The following RNF150 variants were observed in gnomAD, a reference collection of about 807,000 sequenced individuals.
RNF150 encodes the protein ring finger protein 150.
Under a neutral mutation model 39.3 loss-of-function variants are expected in RNF150, and 24 were observed. That is an observed-to-expected ratio of 0.61 (90% CI 0.44 to 0.86). The LOEUF (loss-of-function observed/expected upper bound fraction) is 0.86. Among genes scored for constraint, RNF150 ranks in the 40% least tolerant of loss-of-function variants. The pLI is 0.00. For missense variants in RNF150, 502 were observed against 587.8 expected, an observed-to-expected ratio of 0.85 and a Z score of 1.51; for synonymous variants, 255 against 227.3, an observed-to-expected ratio of 1.12 and a Z score of -1.10.
At chr4:141,141,121 A>G (rs1727111440) in intron 1 of RNF150, among the ~76,000 whole-genome samples, 1 of 152,230 alleles carries the variant, frequency 6.6e-6, no homozygotes, top group African/African-American at 2.4e-5. Flanking sequence ...TAGTAAGGAC[A>G]CTGGAAAGGA....
chr4:141,009,595 G>A (rs542656592), intron 1 of RNF150, among the ~76,000 whole-genome samples: 2 of 152,266 alleles, frequency 1.3e-5, no homozygotes, highest in Non-Finnish European at 2.9e-5. Context: ...AATTAGTAAG[G>A]ACTCAAGAAA....
chr4:141,203,326 G>GAT (rs1234749988), intron 1 of RNF150, among the ~76,000 whole-genome samples: 3 of 146,636 alleles, frequency 2.0e-5, no homozygotes, highest in Non-Finnish European at 3.0e-5. Context: ...TCTTGGAGAT[G>GAT]ATATATATAT....
At chr4:140,909,059 C>T (rs889823509) in intron 6 of RNF150, among the ~76,000 whole-genome samples, 11 of 152,040 alleles carry the variant, frequency 7.2e-5, no homozygotes, top group Admixed American at 2.6e-4. Flanking sequence ...CACTTATGGT[C>T]GTATGTGTGA....
intron 5 of RNF150, among the ~76,000 whole-genome samples, chr4:140,923,843 C>A (rs930584554): frequency 1.3e-5 from 2 of 152,088 alleles, no homozygotes; most frequent in African/African-American, 4.8e-5. Flanking sequence ...AAGCTAGAAA[C>A]CATCATTCTC....
At chr4:140,987,088 G>A (rs1366082904) in intron 1 of RNF150, among the ~76,000 whole-genome samples, 1 of 151,866 alleles carries the variant, frequency 6.6e-6, no homozygotes, top group Non-Finnish European at 1.5e-5. Flanking sequence ...TCTACAAGGA[G>A]AACTACAAAA....
intron 1 of RNF150, among the ~76,000 whole-genome samples, chr4:140,984,541 C>T (rs1373368994): frequency 1.3e-5 from 2 of 152,022 alleles, no homozygotes; most frequent in Non-Finnish European, 2.9e-5. Flanking sequence ...TGAAACATAC[C>T]TTCCTGTCCT....
At position 140,863,907 on chromosome 4, in the gene RNF150, A is replaced by G. The variant is rs1021034683; in HGVS notation, c.*4354T>C. ...CATTTAATTTTTTATGCTCTGCAAAAATATCCATCTAAACAAAACTCATAA... is the reference window on the plus strand; with the variant it reads ...CATTTAATTTTTTATGCTCTGCAAAGATATCCATCTAAACAAAACTCATAA... On this transcript the variant is annotated 3_prime_UTR_variant, in exon 7 of 7. Transcript: ENST00000515673. 1 of 152,124 alleles carries G rather than the reference A, an allele frequency of 6.6e-6. No individual in the cohort carries two copies. The highest frequency in any genetic ancestry group is 2.4e-5 in the African/African-American group (1 of 41,430). The allele number at this position is 152,124 out of a possible 1,614,324, so 9.4% of individuals were successfully genotyped here.
intron 1 of RNF150, among the ~76,000 whole-genome samples, chr4:141,088,100 T>C (rs781154550): frequency 1.3e-5 from 2 of 152,194 alleles, no homozygotes; most frequent in Non-Finnish European, 2.9e-5. Context: ...TGAGCCTCCA[T>C]TTGGTCATAT....
intron 1 of RNF150, among the ~76,000 whole-genome samples, chr4:141,142,430 C>G (rs969498372): frequency 2.0e-5 from 3 of 152,196 alleles, no homozygotes; most frequent in Non-Finnish European, 4.4e-5. Flanking sequence ...TGTCGGCACA[C>G]AGACAGGCTC....
rs1365277175 is a variant in RNF150 at position 141,069,814 on chromosome 4, T to A, written c.484+62511A>T. On this transcript the variant is annotated intron_variant, in intron 1 of 6. Transcript: ENST00000515673. ...GAGACTGTATGTGTCGAGGAATGTATCCATTTCTTCTAGATTTTCTAGTTT... is the reference window on the plus strand; with the variant it reads ...GAGACTGTATGTGTCGAGGAATGTAACCATTTCTTCTAGATTTTCTAGTTT... Among the ~76,000 whole-genome samples, 5 of 152,312 alleles carry A rather than the reference T, an allele frequency of 3.3e-5. No individual in the cohort carries two copies. In the East Asian group the frequency reaches 9.6e-4, roughly 29 times the overall value.
At chr4:141,010,235 T>A (rs1334950265) in intron 1 of RNF150, among the ~76,000 whole-genome samples, 1 of 152,198 alleles carries the variant, frequency 6.6e-6, no homozygotes, top group Non-Finnish European at 1.5e-5. Context: ...CCAAATATGA[T>A]TTTAAAAGCT....
At chr4:141,116,006 G>A (rs548986302) in intron 1 of RNF150, among the ~76,000 whole-genome samples, 84 of 152,282 alleles carry the variant, frequency 5.5e-4, no homozygotes, top group African/African-American at 1.9e-3. Context: ...ATGGATTACA[G>A]ACTTTAACGT....
At chr4:141,151,409 G>GACACACAC (rs869289733) in intron 1 of RNF150, among the ~76,000 whole-genome samples, 2 of 121,916 alleles carry the variant, frequency 1.6e-5, no homozygotes, top group African/African-American at 2.9e-5. Context: ...CATCTCTACA[G>GACACACAC]ACACACACAC....
In RNF150 at chr4:141,006,035, C is replaced by G. The variant is rs1734855852; in HGVS notation, c.485-38162G>C. On this transcript the variant is annotated intron_variant, in intron 1 of 6. Transcript: ENST00000515673. ...AGTGAGCCGAGATCCCGCCACTGCA[C>G]TCCAGCCTGGGCGACAGAGCGAGAC... Among the ~76,000 whole-genome samples, 6 of 127,172 alleles carry G rather than the reference C, an allele frequency of 4.7e-5. No individual in the cohort carries two copies. In the South Asian group the frequency reaches 1.5e-3, roughly 32 times the overall value. The allele number at this position is 127,172 out of a possible 152,430, so 83.4% of individuals were successfully genotyped here. A position where few individuals can be genotyped will look rare whatever the true frequency, so the allele number is the denominator to read the frequency against.
intron 1 of RNF150, among the ~76,000 whole-genome samples, chr4:141,127,920 T>A (rs913534810): frequency 5.3e-5 from 8 of 152,092 alleles, no homozygotes; most frequent in African/African-American, 1.9e-4. Context: ...GACTACCACG[T>A]TTATCATACA....
rs573314550 is a variant in RNF150, at chr4:141,150,650, C to T, written c.-6+62144G>A. ...GATGAATGGAAAAGAGACACTGTCC[C>T]TCTAATATGCCTTACTTCCTTTTCT... On this transcript the variant is annotated intron_variant, in intron 1 of 7. Coordinates refer to the RNF150 transcript ENST00000420921. Among the ~76,000 whole-genome samples, 229 of 152,290 alleles carry T rather than the reference C, an allele frequency of 1.5e-3. 1 individual carries two copies. Among genetic ancestry groups the T allele is most frequent in the Middle Eastern group, 3.4e-3 (1 of 294 alleles).
At chr4:140,996,048 C>T (rs933085156) in intron 1 of RNF150, among the ~76,000 whole-genome samples, 3 of 152,014 alleles carry the variant, frequency 2.0e-5, no homozygotes, top group Admixed American at 1.3e-4. Flanking sequence ...TTTGAGGACC[C>T]GCCATACAGT....
chr4:141,174,537 T>A (rs1262562883), intron 1 of RNF150, among the ~76,000 whole-genome samples: 2 of 152,166 alleles, frequency 1.3e-5, no homozygotes. Flanking sequence ...AACCAGATCG[T>A]GTGCTGTTGA....
intron 1 of RNF150, among the ~76,000 whole-genome samples, chr4:141,016,265 C>T (rs1735269406): frequency 1.3e-5 from 2 of 152,178 alleles, no homozygotes. Flanking sequence ...GGACTGGACT[C>T]TGGACCAGAC....
Sources: gnomAD v4.1 joint callset for allele counts (sites outside exome capture counted in the v4.1 genomes callset) on GRCh38, gnomAD v4.1.1 for gene constraint, MANE v1.5 for transcripts, NCBI Gene and HGNC (gene_info 2026-07-23, HGNC 2026-07-21) for gene names.